MAN2A1: variants seen among roughly 807,000 people sequenced by gnomAD.
MAN2A1 encodes alpha-mannosidase 2.
A neutral mutation model predicts 142.6 loss-of-function variants in MAN2A1; 76 were observed. That is an observed-to-expected ratio of 0.53 (90% CI 0.44 to 0.65). MAN2A1 has a LOEUF of 0.65. Ranked by LOEUF, MAN2A1 falls within the 30% of genes least tolerant of loss-of-function variation. The probability of loss-of-function intolerance (pLI) is 0.00; values close to 1 mark genes in which losing one functional copy is unlikely to be tolerated. For synonymous variants in MAN2A1, 559 were observed against 473.2 expected (o/e 1.18, Z -2.35); for missense variants, 1,311 against 1,365.1 (o/e 0.96, Z 0.62).
At chr5:109,840,301 T>C in intron 16 of MAN2A1, 1 of 318,476 alleles carries the variant, frequency 3.1e-6, no homozygotes, top group Non-Finnish European at 6.2e-6. Context: ...TTTCCTTCAC[T>C]AATTGACATT....
intron 20 of MAN2A1, among the ~76,000 whole-genome samples, chr5:109,858,377 G>T: frequency 6.6e-6 from 1 of 152,272 alleles, no homozygotes; most frequent in East Asian, 1.9e-4. Context: ...GGGAACTGTT[G>T]TGGGTATTGA....
At chr5:109,788,382 A>G (rs1193350919) in intron 10 of MAN2A1, among the ~76,000 whole-genome samples, 2 of 151,878 alleles carry the variant, frequency 1.3e-5, no homozygotes, top group Non-Finnish European at 2.9e-5. Context: ...AAAAAATTTA[A>G]CAGGGATAAA....
At chr5:109,849,694 G>C (rs1191612035) in intron 19 of MAN2A1, among the ~76,000 whole-genome samples, 3 of 151,394 alleles carry the variant, frequency 2.0e-5, no homozygotes, top group African/African-American at 7.3e-5. Context: ...AACCCAGAAG[G>C]CAGAATGGTT....
rs1753390581 is a variant in MAN2A1, at chr5:109,779,557, AC to A, written c.1375-1838del. 9.4e-5 allele frequency among the ~76,000 whole-genome samples: 9 copies of A among 95,968 alleles called. No individual in the cohort carries two copies. The South Asian group carries it at 2.9e-3, about 31-fold the overall frequency. 63.0% of individuals were successfully genotyped at this position (95,968 alleles called of 152,430 possible). The stretch of plus-strand genomic sequence containing the variant: ...TCATTTCTTTTATGGTTACACACAC[AC>A]ACGCGTGCACACACACACACACACA... On this transcript the variant is annotated intron_variant, in intron 8 of 21. Coordinates refer to ENST00000261483, the MANE Select transcript of MAN2A1 (RefSeq NM_002372.4).
chr5:109,713,436 A>G, intron 1 of MAN2A1, 84 bp from the exon 2 acceptor site: 1 of 1,239,924 alleles, frequency 8.1e-7, no homozygotes, highest in Non-Finnish European at 1.1e-6. Context: ...GTAGGCAACC[A>G]CATAATTTAA....
intron 5 of MAN2A1, among the ~76,000 whole-genome samples, chr5:109,755,834 G>A (rs1282056926): frequency 6.6e-6 from 1 of 152,002 alleles, no homozygotes; most frequent in Non-Finnish European, 1.5e-5. Context: ...CAGAGATACG[G>A]TAGCTTCAGG....
At chr5:109,708,371 G>T (rs371988958) in intron 1 of MAN2A1, among the ~76,000 whole-genome samples, 49 of 152,180 alleles carry the variant, frequency 3.2e-4, no homozygotes, top group African/African-American at 1.1e-3. Context: ...ATGAATGAAT[G>T]GGAGTTTGTA....
At chr5:109,804,281 A>C (rs1754106494) in intron 12 of MAN2A1, 1 of 987,316 alleles carries the variant, frequency 1.0e-6, no homozygotes, top group South Asian at 4.7e-5. Flanking sequence ...CTTTGTGGTA[A>C]AAGAAACATT....
intron 16 of MAN2A1, among the ~76,000 whole-genome samples, chr5:109,826,876 G>C (rs933750681): frequency 2.0e-5 from 3 of 152,190 alleles, no homozygotes; most frequent in African/African-American, 7.2e-5. Flanking sequence ...TCAGACACCT[G>C]GATGATTGAT....
intron 4 of MAN2A1, among the ~76,000 whole-genome samples, chr5:109,748,901 C>A (rs1245246769): frequency 6.6e-6 from 1 of 151,134 alleles, no homozygotes; most frequent in Admixed American, 6.6e-5. Context: ...TAAAACAAAT[C>A]TTTTTCCCTG....
At chr5:109,770,792 C>T (rs772294577) in intron 7 of MAN2A1, among the ~76,000 whole-genome samples, 9 of 151,966 alleles carry the variant, frequency 5.9e-5, no homozygotes, top group Admixed American at 2.0e-4. Context: ...ACTATTATTA[C>T]CATCTCCTTT....
Position 109,865,153 on chromosome 5 carries a change from T to G in MAN2A1, c.3282+7T>G. On this transcript the variant is annotated splice_region_variant and intron_variant, in intron 21 of 21. Coordinates refer to ENST00000261483, the MANE Select transcript of MAN2A1 (RefSeq NM_002372.4). ...TTCTACTACTCAGGGAAAGGTAAGTTGAAAAGGTTATTTTTGCTTACTGTT... is the reference window on the plus strand; with the variant it reads ...TTCTACTACTCAGGGAAAGGTAAGTGGAAAAGGTTATTTTTGCTTACTGTT... 3 of 1,600,336 alleles carry G rather than the reference T, an allele frequency of 1.9e-6. No individual in the cohort carries two copies. The highest frequency in any genetic ancestry group is 2.6e-6 in the Non-Finnish European group (3 of 1,167,530).
intron 7 of MAN2A1, among the ~76,000 whole-genome samples, chr5:109,771,762 T>C (rs1753150792): frequency 6.6e-6 from 1 of 152,120 alleles, no homozygotes; most frequent in Non-Finnish European, 1.5e-5. Context: ...TAGCTGTTTA[T>C]ATTTACAGGT....
At chr5:109,806,358 G>A (rs777738947) in intron 12 of MAN2A1, among the ~76,000 whole-genome samples, 8 of 152,166 alleles carry the variant, frequency 5.3e-5, no homozygotes, top group Non-Finnish European at 8.8e-5. Flanking sequence ...AAATAGGCTT[G>A]TAAAGTAACT....
In MAN2A1 at chr5:109,819,198, G is replaced by A. The variant is rs150402521; in HGVS notation, c.2110-471G>A. ...GTTAGGTGATTCTGCCCAACTGTGG[G>A]CTAATTTAAGTGTTCTGAGTACATG... is the stretch of plus-strand genomic sequence containing the variant. On this transcript the variant is annotated intron_variant, in intron 13 of 21. Coordinates refer to ENST00000261483, the MANE Select transcript of MAN2A1 (RefSeq NM_002372.4). Among the ~76,000 whole-genome samples, 271 of 152,228 alleles carry A rather than the reference G, an allele frequency of 1.8e-3. 1 individual carries two copies. Among genetic ancestry groups the A allele is most frequent in the African/African-American group, 6.2e-3 (256 of 41,518 alleles).
intron 19 of MAN2A1, among the ~76,000 whole-genome samples, chr5:109,848,859 C>A (rs1755407026): frequency 6.6e-6 from 1 of 152,152 alleles, no homozygotes; most frequent in Non-Finnish European, 1.5e-5. Context: ...TCTCTCCTAC[C>A]CAATTGAGTC....
intron 4 of MAN2A1, among the ~76,000 whole-genome samples, chr5:109,729,900 G>A (rs909214722): frequency 3.9e-5 from 6 of 152,032 alleles, no homozygotes; most frequent in Non-Finnish European, 4.4e-5. Flanking sequence ...GCTCAGGCAC[G>A]ACAATGCTTG....
intron 12 of MAN2A1, among the ~76,000 whole-genome samples, chr5:109,803,044 T>C (rs143898746): frequency 4.6e-5 from 7 of 152,074 alleles, no homozygotes; most frequent in African/African-American, 1.7e-4. Context: ...TTAAGTGATA[T>C]GCAGTGTGGG....
chr5:109,725,301 G>A (rs894421266), intron 3 of MAN2A1, among the ~76,000 whole-genome samples: 5 of 152,208 alleles, frequency 3.3e-5, no homozygotes, highest in African/African-American at 1.2e-4. Context: ...TGTATGGGGA[G>A]AGCCAGCCTG....
Sources: gnomAD v4.1 joint callset for allele counts (sites outside exome capture counted in the v4.1 genomes callset) on GRCh38, gnomAD v4.1.1 for gene constraint, MANE v1.5 for transcripts, NCBI Gene and HGNC (gene_info 2026-07-23, HGNC 2026-07-21) for gene names.